SMC1B: variants seen among roughly 807,000 people sequenced by gnomAD.
SMC1B encodes structural maintenance of chromosomes protein 1B.
Under a neutral mutation model 157.9 loss-of-function variants are expected in SMC1B, and 60 were observed. The ratio of observed to expected loss-of-function variants is 0.38; its 90% CI spans 0.31 to 0.47. SMC1B has a LOEUF of 0.47. Ranked by LOEUF, SMC1B falls within the 20% of genes least tolerant of loss-of-function variation. The pLI is 0.99. For missense variants in SMC1B, 1,165 were observed against 1,426.2 expected, an observed-to-expected ratio of 0.82 and a Z score of 2.95; for synonymous variants, 445 against 483.0, an observed-to-expected ratio of 0.92 and a Z score of 1.03.
chr22:45,398,984 T>A, intron 6 of SMC1B, 111 bp downstream of exon 6: 1 of 1,070,332 alleles, frequency 9.3e-7, no homozygotes, highest in Non-Finnish European at 1.3e-6. Flanking sequence ...ACAATTTACA[T>A]TGAGGATAAT....
rs771517105 is a variant in SMC1B at position 45,372,223 on chromosome 22, T to C, written c.2128A>G (p.Thr710Ala). The C allele has an allele frequency of 5.6e-6, 9 of 1,612,668 alleles. No homozygotes were observed. Among genetic ancestry groups the C allele is most frequent in the Non-Finnish European group, 7.6e-6 (9 of 1,179,328 alleles). Residue 710 changes from threonine (T) to alanine (A), a missense_variant, in exon 13 of 25, where the codon ACA (threonine) becomes GCA (alanine). Thr to Ala is a moderately conservative substitution (Grantham distance 58, BLOSUM62 0). Transcript: ENST00000357450. ...QIQTLIQGTQ[T>A]RLKYSQNELE... Reference sequence around the variant, plus strand: ...TCATTTTGTGAATATTTGAGTCGTGTTTGAGTTCCCTGTATCAGGGTCTGT... The same window carrying C: ...TCATTTTGTGAATATTTGAGTCGTGCTTGAGTTCCCTGTATCAGGGTCTGT...
chr22:45,371,523 C>A lies in SMC1B; in HGVS notation c.2261G>T (p.Gly754Val). Residue 754 changes from glycine to valine, a missense_variant, in exon 14 of 25, where the codon GGA becomes GTA. Gly to Val is a moderately radical substitution (Grantham distance 109). Coordinates refer to ENST00000357450, the MANE Select transcript of SMC1B (RefSeq NM_148674.5). Reference sequence around the variant, plus strand: ...AATTCTTCGTTGTCGTTCCTTGATTCCTTCACTCAACATAATACATTGAGA... The same window carrying A: ...AATTCTTCGTTGTCGTTCCTTGATTACTTCACTCAACATAATACATTGAGA... ...IESQCIMLSE[G>V]IKERQRRIKE... 1.3e-6 allele frequency: 2 copies of A among 1,599,518 alleles called. No homozygotes were observed. The highest frequency in any genetic ancestry group is 1.1e-5 in the South Asian group (1 of 87,150).
chr22:45,352,203 T>C (rs543305285), intron 22 of SMC1B, among the ~76,000 whole-genome samples: 115 of 146,242 alleles, frequency 7.9e-4, no homozygotes, highest in African/African-American at 2.8e-3. Context: ...CTAAGCAACA[T>C]AGTGAGACTC....
chr22:45,397,386 A>G (rs533838888), intron 6 of SMC1B, among the ~76,000 whole-genome samples: 28 of 152,230 alleles, frequency 1.8e-4, no homozygotes, highest in African/African-American at 6.7e-4. Context: ...GTGTGGTAGC[A>G]TGCGCCTGTA....
At chr22:45,403,304 A>G (rs1304503706) in intron 4 of SMC1B, among the ~76,000 whole-genome samples, 1 of 152,230 alleles carries the variant, frequency 6.6e-6, no homozygotes, top group Non-Finnish European at 1.5e-5. Flanking sequence ...CATATTAGAA[A>G]ACATGAAGAC....
intron 8 of SMC1B, 148 bp from the exon 9 acceptor site, chr22:45,393,989 C>T: frequency 8.2e-6 from 5 of 608,618 alleles, no homozygotes; most frequent in South Asian, 2.3e-5. Context: ...AACCTGACAC[C>T]AAACATGGGC....
chr22:45,387,963 C>T (rs1239478085), intron 10 of SMC1B, among the ~76,000 whole-genome samples: 3 of 150,978 alleles, frequency 2.0e-5, no homozygotes, highest in Non-Finnish European at 4.4e-5. Flanking sequence ...ACCCGGGAGG[C>T]GGAGGTTGCA....
intron 24 of SMC1B, among the ~76,000 whole-genome samples, chr22:45,345,219 A>G (rs962061401): frequency 6.6e-6 from 1 of 152,262 alleles, no homozygotes; most frequent in South Asian, 2.1e-4. Context: ...TTCACGAAAC[A>G]AAACTATCCT....
At chr22:45,353,627 T>A (rs1481395351) in intron 21 of SMC1B, among the ~76,000 whole-genome samples, 1 of 152,020 alleles carries the variant, frequency 6.6e-6, no homozygotes, top group Non-Finnish European at 1.5e-5. Flanking sequence ...TATTCCACAT[T>A]TACCACAGAA....
intron 12 of SMC1B, among the ~76,000 whole-genome samples, chr22:45,381,004 C>T (rs1452963639): frequency 6.6e-6 from 1 of 150,958 alleles, no homozygotes; most frequent in Non-Finnish European, 1.5e-5. Flanking sequence ...TCCTGTTGGC[C>T]AGGCTGGTCT....
chr22:45,394,809 C>G (rs757608938), intron 7 of SMC1B, 42 bp from the exon 8 acceptor site: 9 of 1,456,628 alleles, frequency 6.2e-6, no homozygotes, highest in Non-Finnish European at 8.2e-6. Context: ...ACGGCAATTC[C>G]AAACCAACAA....
intron 23 of SMC1B, among the ~76,000 whole-genome samples, chr22:45,349,285 G>A (rs555719732): frequency 2.1e-4 from 32 of 152,206 alleles, no homozygotes; most frequent in African/African-American, 7.5e-4. Context: ...AAAGTGCTGG[G>A]ATTACAGGCG....
chr22:45,358,595 T>TA, intron 19 of SMC1B, 102 bp downstream of exon 19: 1 of 728,258 alleles, frequency 1.4e-6, no homozygotes, highest in East Asian at 2.7e-5. Flanking sequence ...AGGAAATCTT[T>TA]TAAAAAAAAA....
intron 14 of SMC1B, among the ~76,000 whole-genome samples, chr22:45,371,122 G>A (rs1300631659): frequency 2.6e-5 from 4 of 152,184 alleles, no homozygotes; most frequent in Admixed American, 6.5e-5. Context: ...AAAAACTCCT[G>A]AGTGAATAAA....
At chr22:45,409,565 T>TAAAC (rs2087304772) in intron 1 of SMC1B, among the ~76,000 whole-genome samples, 1 of 80,900 alleles carries the variant, frequency 1.2e-5, no homozygotes, top group Non-Finnish European at 3.3e-5. Flanking sequence ...ACTCCAACTC[T>TAAAC]AAATAAATAA....
At chr22:45,403,517 G>C (rs146949960) in intron 4 of SMC1B, among the ~76,000 whole-genome samples, 3 of 152,134 alleles carry the variant, frequency 2.0e-5, no homozygotes, top group Non-Finnish European at 4.4e-5. Context: ...GCAATGGCAC[G>C]ATCACAGCTC....
In SMC1B at chr22:45,399,252, A is replaced by T. The variant is rs759797126; in HGVS notation, c.956T>A (p.Ile319Lys). The T allele has an allele frequency of 6.2e-7, 1 of 1,614,034 alleles. No individual in the cohort carries two copies. Among genetic ancestry groups the T allele is most frequent in the Non-Finnish European group, 8.5e-7 (1 of 1,179,976 alleles). ...AGAACATTGTTTTTCGCTGTCCTTT[A>T]TTGATTTCTTAGCCACATCTAATTT... The part of the protein sequence containing the change: ...LKKLDVAKKS[I>K]KDSEKQCSKQ... Residue 319 changes from isoleucine to lysine, a missense_variant, in exon 6 of 25, where the codon ATA (isoleucine) becomes AAA (lysine). Ile to Lys is a moderately radical substitution (Grantham distance 102). Transcript: ENST00000357450.
At chr22:45,353,649 T>C (rs541193936) in intron 21 of SMC1B, among the ~76,000 whole-genome samples, 18 of 152,088 alleles carry the variant, frequency 1.2e-4, no homozygotes, top group Non-Finnish European at 1.9e-4. Context: ...CCAACAGTTC[T>C]ATAAAATCAA....
In SMC1B at chr22:45,364,181, G is replaced by C. The variant is rs114478490; in HGVS notation, c.2421-1155C>G. Among the ~76,000 whole-genome samples, 1,175 of 151,962 alleles carry C rather than the reference G, an allele frequency of 7.7e-3. 20 individuals carry two copies. Among genetic ancestry groups the C allele is most frequent in the African/African-American group, 0.027 (1,133 of 41,448 alleles). ...CTATTCTTATATAAACACCAAACTT[G>C]GGAACGTTCATTCCTACTTTGCCAG... On this transcript the variant is annotated intron_variant, in intron 15 of 24. Transcript: ENST00000357450.
Sources: gnomAD v4.1 joint callset for allele counts (sites outside exome capture counted in the v4.1 genomes callset) on GRCh38, gnomAD v4.1.1 for gene constraint, MANE v1.5 for transcripts, NCBI Gene and HGNC (gene_info 2026-07-23, HGNC 2026-07-21) for gene names.